The following AGBL1 variants were observed in gnomAD, a reference collection of about 807,000 sequenced individuals.
AGBL1 encodes the protein cytosolic carboxypeptidase 4.
A neutral mutation model predicts 118.9 loss-of-function variants in AGBL1; 130 were observed. The observed-to-expected ratio is 1.09, with a 90% CI of 0.95 to 1.26. AGBL1 has a LOEUF of 1.26. Among genes scored for constraint, AGBL1 ranks in the 50% most tolerant of loss-of-function variants. The probability of loss-of-function intolerance (pLI) is 0.00; values close to 1 mark genes in which losing one functional copy is unlikely to be tolerated. For missense variants in AGBL1, 1,584 were observed against 1,298.1 expected (o/e 1.22, Z -3.38); for synonymous variants, 555 against 478.9 (o/e 1.16, Z -2.08).
chr15:86,457,171 T>C (rs2082271385), intron 18 of AGBL1, among the ~76,000 whole-genome samples: 1 of 151,976 alleles, frequency 6.6e-6, no homozygotes, highest in Non-Finnish European at 1.5e-5. Context: ...TATCTTTCTA[T>C]GTTTTTAAAA....
intron 18 of AGBL1, among the ~76,000 whole-genome samples, chr15:86,493,788 G>A (rs968503956): frequency 6.6e-6 from 1 of 151,958 alleles, no homozygotes; most frequent in African/African-American, 2.4e-5. Flanking sequence ...AGAGCTTATG[G>A]TCTTCCACGA....
intron 22 of AGBL1, among the ~76,000 whole-genome samples, chr15:86,880,458 G>T (rs569108884): frequency 6.6e-6 from 1 of 152,304 alleles, no homozygotes; most frequent in South Asian, 2.1e-4. Context: ...TGTCAGGAGG[G>T]CCAAGGAAGG....
chr15:86,646,671 C>T (rs1174505423), intron 21 of AGBL1, among the ~76,000 whole-genome samples: 1 of 152,050 alleles, frequency 6.6e-6, no homozygotes, highest in Non-Finnish European at 1.5e-5. Context: ...ATACTGTATG[C>T]TTTTATAGGA....
chr15:86,634,272 T>C (rs2085039837), intron 21 of AGBL1, among the ~76,000 whole-genome samples: 1 of 152,160 alleles, frequency 6.6e-6, no homozygotes, highest in African/African-American at 2.4e-5. Context: ...TAGGTATTTA[T>C]AGCAGCGCTA....
At chr15:86,340,304 C>A (rs562699249) in intron 17 of AGBL1, among the ~76,000 whole-genome samples, 37 of 149,790 alleles carry the variant, frequency 2.5e-4, no homozygotes, top group African/African-American at 4.4e-4. Flanking sequence ...GCCCCCCCCC[C>A]ATTCATGTCT....
At chr15:86,551,049 C>G (rs2083657067) in intron 20 of AGBL1, among the ~76,000 whole-genome samples, 1 of 151,856 alleles carries the variant, frequency 6.6e-6, no homozygotes, top group South Asian at 2.1e-4. Context: ...AATTAAAACT[C>G]AATATGTGAA....
At chr15:86,434,598 A>G (rs200561790) in intron 18 of AGBL1, among the ~76,000 whole-genome samples, 2 of 152,242 alleles carry the variant, frequency 1.3e-5, no homozygotes, top group Non-Finnish European at 2.9e-5. Context: ...ATTGACTAAC[A>G]TTTAAGCGCT....
intron 5 of AGBL1, among the ~76,000 whole-genome samples, chr15:86,222,293 C>T (rs1465867009): frequency 1.3e-5 from 2 of 152,180 alleles, no homozygotes; most frequent in African/African-American, 4.8e-5. Flanking sequence ...CTGTTGTACC[C>T]TTCATCTTGA....
intron 22 of AGBL1, among the ~76,000 whole-genome samples, chr15:86,805,605 C>T (rs1380080732): frequency 1.3e-5 from 2 of 152,154 alleles, no homozygotes; most frequent in African/African-American, 4.8e-5. Context: ...TTTAGCTATT[C>T]TGAAGATGTG....
At chr15:86,226,702 A>G (rs148131341) in intron 6 of AGBL1, among the ~76,000 whole-genome samples, 32 of 152,302 alleles carry the variant, frequency 2.1e-4, no homozygotes, top group African/African-American at 7.5e-4. Context: ...AGCCATGCCT[A>G]GTAGGCTGAG....
At chr15:86,575,494 T>C (rs1311751455) in intron 21 of AGBL1, among the ~76,000 whole-genome samples, 1 of 151,936 alleles carries the variant, frequency 6.6e-6, no homozygotes, top group Non-Finnish European at 1.5e-5. Flanking sequence ...AGAAAGACCC[T>C]GTCTCAAAAA....
intron 22 of AGBL1, among the ~76,000 whole-genome samples, chr15:86,906,008 A>G (rs539895233): frequency 1.3e-5 from 2 of 152,354 alleles, no homozygotes; most frequent in South Asian, 4.1e-4. Context: ...GAAGCAGCTC[A>G]CATCAGTCAG....
chr15:86,500,042 T>A (rs1294798182), intron 18 of AGBL1, among the ~76,000 whole-genome samples: 1 of 151,856 alleles, frequency 6.6e-6, no homozygotes, highest in Non-Finnish European at 1.5e-5. Flanking sequence ...TTATGTTGTG[T>A]GAAAGCTGAA....
At chr15:86,592,250 A>T (rs1277509773) in intron 21 of AGBL1, among the ~76,000 whole-genome samples, 1 of 152,220 alleles carries the variant, frequency 6.6e-6, no homozygotes, top group Non-Finnish European at 1.5e-5. Flanking sequence ...AACTGTTAGC[A>T]GCAGCGAATC....
rs552897289 is a variant in AGBL1, at chr15:86,378,382, C to A, written c.2375-18984C>A. On this transcript the variant is annotated intron_variant, in intron 17 of 22. Transcript: ENST00000614907. ...TGTGTCAGTGGAAATTTTTTCCCTTCCCATCGGCCTTCCTCTCTTGCCACT... is the reference window on the plus strand; with the variant it reads ...TGTGTCAGTGGAAATTTTTTCCCTTACCATCGGCCTTCCTCTCTTGCCACT... 7.2e-5 allele frequency among the ~76,000 whole-genome samples: 11 copies of A among 152,248 alleles called. No homozygotes were observed. In the East Asian group the frequency reaches 1.9e-3, roughly 27 times the overall value.
At chr15:86,402,557 G>T (rs1001178489) in intron 18 of AGBL1, among the ~76,000 whole-genome samples, 2 of 152,120 alleles carry the variant, frequency 1.3e-5, no homozygotes, top group Non-Finnish European at 2.9e-5. Flanking sequence ...CCTGTGTGTT[G>T]TCTGATCAGT....
chr15:86,706,216 T>C (rs535765902), intron 22 of AGBL1, among the ~76,000 whole-genome samples: 4 of 152,110 alleles, frequency 2.6e-5, no homozygotes, highest in Admixed American at 6.6e-5. Flanking sequence ...AGATAAAATA[T>C]CGTTTTTAAC....
intron 5 of AGBL1, among the ~76,000 whole-genome samples, chr15:86,176,783 A>G (rs1390782179): frequency 1.3e-5 from 2 of 152,172 alleles, no homozygotes; most frequent in Admixed American, 6.5e-5. Flanking sequence ...ATGTCATGGT[A>G]TGAACTCTAG....
At chr15:86,856,396 C>A (rs1281122990) in intron 22 of AGBL1, among the ~76,000 whole-genome samples, 1 of 152,114 alleles carries the variant, frequency 6.6e-6, no homozygotes, top group Non-Finnish European at 1.5e-5. Context: ...TGGAAAAAAA[C>A]CTTATCTACA....
Sources: gnomAD v4.1 joint callset for allele counts (sites outside exome capture counted in the v4.1 genomes callset) on GRCh38, gnomAD v4.1.1 for gene constraint, MANE v1.5 for transcripts, NCBI Gene and HGNC (gene_info 2026-07-23, HGNC 2026-07-21) for gene names.